ZNF263: variants seen among roughly 807,000 people sequenced by gnomAD.
ZNF263 encodes zinc finger protein FPM315.
A neutral mutation model predicts 63.1 loss-of-function variants in ZNF263; 49 were observed. The ratio of observed to expected loss-of-function variants is 0.78; its 90% confidence interval spans 0.62 to 0.99. ZNF263 has a LOEUF of 0.99. ZNF263 is among the 50% of genes least tolerant of loss of function. The probability of loss-of-function intolerance (pLI) is 0.00; values close to 1 mark genes in which losing one functional copy is unlikely to be tolerated. For missense variants in ZNF263, 872 were observed against 854.8 expected (o/e 1.02, Z -0.25); for synonymous variants, 352 against 324.2 (o/e 1.09, Z -0.92).
In ZNF263 at chr16:3,285,861, C is replaced by T; in HGVS notation, c.642+107C>T. 3 of 1,514,132 alleles carry T rather than the reference C, an allele frequency of 2.0e-6. No individual in the cohort carries two copies. The African/African-American group carries it at 4.1e-5, about 21-fold the overall frequency. The allele number at this position is 1,514,132 out of a possible 1,614,324, so 93.8% of individuals were successfully genotyped here. On this transcript the variant is annotated intron_variant, in intron 3 of 5. Coordinates refer to ENST00000219069, the MANE Select transcript of ZNF263 (RefSeq NM_005741.5). The stretch of plus-strand genomic sequence containing the variant: ...TCCTTTGTCCCTTACCACAGCGTCT[C>T]CCCCACTGCTTTGTCTATTTCACAC...
At chr16:3,286,664 G>C (rs982327169) in intron 4 of ZNF263, 1 of 152,756 alleles carries the variant, frequency 6.5e-6, no homozygotes, top group African/African-American at 2.4e-5. Context: ...TGGAAATTTG[G>C]AAACAATGTA....
Position 3,285,760 on chromosome 16 carries a change from G to T in ZNF263, c.642+6G>T, listed in dbSNP as rs746604551. 2 of 1,614,108 alleles carry T rather than the reference G, an allele frequency of 1.2e-6. No homozygotes were observed. The highest frequency in any genetic ancestry group is 1.7e-6 in the Non-Finnish European group (2 of 1,179,980). Reference sequence around the variant, plus strand: ...AGGAGATGACTGGGCCCCAGGTGATGTGGAAGTTTCCATTGTCTCCCCCCA... The same window carrying T: ...AGGAGATGACTGGGCCCCAGGTGATTTGGAAGTTTCCATTGTCTCCCCCCA... On this transcript the variant is annotated splice_donor_region_variant and intron_variant, in intron 3 of 5. Coordinates refer to ENST00000219069, the MANE Select transcript of ZNF263 (RefSeq NM_005741.5).
Position 3,283,727 on chromosome 16 carries a change from C to T in ZNF263, c.-92C>T. The T allele has an allele frequency of 4.3e-6, 6 of 1,408,258 alleles. No individual in the cohort carries two copies. The highest frequency in any genetic ancestry group is 4.6e-6 in the Non-Finnish European group (5 of 1,084,820). The allele number at this position is 1,408,258 out of a possible 1,614,324, so 87.2% of individuals were successfully genotyped here. On this transcript the variant is annotated 5_prime_UTR_variant, in exon 1 of 6. Coordinates refer to ENST00000219069, the MANE Select transcript of ZNF263 (RefSeq NM_005741.5). ...GACTGGGAGCCCCCGGCCCCGGGCTCCTGCTGGCGCCGTCCAACCTTACAT... is the reference window on the plus strand; with the variant it reads ...GACTGGGAGCCCCCGGCCCCGGGCTTCTGCTGGCGCCGTCCAACCTTACAT...
At chr16:3,299,729 CCAGA>C (rs774502030) in intron 2 of ZNF263, 62 of 1,540,212 alleles carry the variant, frequency 4.0e-5, no homozygotes, top group Middle Eastern at 1.8e-4. Context: ...GGGCAACTGT[CCAGA>C]AGTAACAATG....
At chr16:3,285,263 G>T (rs1163460123) in intron 2 of ZNF263, 24 bp downstream of exon 2, 1 of 1,596,324 alleles carries the variant, frequency 6.3e-7, no homozygotes. Flanking sequence ...ATCTGGGCAG[G>T]TGGGAGGGAG....
At chr16:3,291,638 G>A (rs1267758438), downstream of ZNF263, among the ~76,000 whole-genome samples, 1 of 152,214 alleles carries the variant, frequency 6.6e-6, no homozygotes, top group African/African-American at 2.4e-5. Flanking sequence ...CTCCAGGCTG[G>A]GACTGCCATG....
chr16:3,288,267 GTC>G (rs1249395476), intron 4 of ZNF263, among the ~76,000 whole-genome samples, 185 bp from the exon 5 acceptor site: 1 of 150,132 alleles, frequency 6.7e-6, no homozygotes, highest in Non-Finnish European at 1.5e-5. Flanking sequence ...AAAAAAAAAA[GTC>G]TCCCTCCCCT....
At chr16:3,285,587 G>T in intron 2 of ZNF263, 94 bp from the exon 3 acceptor site, 1 of 1,281,884 alleles carries the variant, frequency 7.8e-7, no homozygotes, top group Non-Finnish European at 1.1e-6. Context: ...AAAAGCAGAG[G>T]CTGGGTGTTG....
downstream of ZNF263, among the ~76,000 whole-genome samples, chr16:3,294,727 C>G (rs1224385673): frequency 6.6e-6 from 1 of 152,130 alleles, no homozygotes; most frequent in African/African-American, 2.4e-5. Context: ...AAATTCTGAT[C>G]TCCCAGTTAA....
At chr16:3,297,387 T>C (rs1268104173) in intron 1 of ZNF263, among the ~76,000 whole-genome samples, 1 of 151,022 alleles carries the variant, frequency 6.6e-6, no homozygotes, top group African/African-American at 2.4e-5. Flanking sequence ...CTGTATTTAG[T>C]CACTAATTTT....
chr16:3,294,510 C>A (rs936509122), downstream of ZNF263, among the ~76,000 whole-genome samples: 1 of 152,030 alleles, frequency 6.6e-6, no homozygotes, highest in Admixed American at 6.6e-5. Flanking sequence ...GAAATATTTT[C>A]TTTTACTCTT....
chr16:3,290,116 A>G lies in ZNF263; in HGVS notation c.1610A>G (p.Glu537Gly), dbSNP rs1043065693. The G allele has an allele frequency of 5.1e-5, 82 of 1,614,004 alleles. No homozygotes were observed. The highest frequency in any genetic ancestry group is 1.5e-4 in the Admixed American group (9 of 60,002). ...CGGAGTTCACACCTCGTCATTCACGAAAGAACTCATGAGAGAGAGAGACTT... is the reference window on the plus strand; with the variant it reads ...CGGAGTTCACACCTCGTCATTCACGGAAGAACTCATGAGAGAGAGAGACTT... ...FSRSSHLVIH[E>G]RTHERERLYP... is the part of the protein sequence containing the mutation. Residue 537 changes from glutamate to glycine, a missense_variant, in exon 6 of 6, where the codon GAA becomes GGA. Physicochemically the swap from Glu to Gly is moderately conservative, Grantham distance 98. Transcript: ENST00000219069.
rs763436625 is a variant in ZNF263 at position 3,289,594 on chromosome 16, G to T, written c.1088G>T (p.Gly363Val). The T allele has an allele frequency of 2.5e-6, 4 of 1,614,110 alleles. No individual in the cohort carries two copies. Among genetic ancestry groups the T allele is most frequent in the Non-Finnish European group, 8.5e-7 (1 of 1,180,030 alleles). The change falls in exon 6 of 6, where the codon GGC becomes GTC. Residue 363 changes from glycine to valine, a missense_variant. By Grantham distance (109) the Gly-to-Val change is moderately radical. Transcript: ENST00000219069. ...MEQALAGASS[G>V]RELGRPKELQ... ...CAGGCCTTGGCAGGAGCCTCAAGTG[G>T]CAGAGAACTGGGGCGACCGAAGGAA...
intron 2 of ZNF263, among the ~76,000 whole-genome samples, 169 bp from the exon 3 acceptor site, chr16:3,285,512 T>G (rs1428162083): frequency 1.3e-5 from 2 of 152,194 alleles, no homozygotes; most frequent in Non-Finnish European, 2.9e-5. Context: ...TGGTACTCCT[T>G]CCCTCTCACC....
In ZNF263 at chr16:3,289,889, C is replaced by G. The variant is rs959430246; in HGVS notation, c.1383C>G (p.Pro461=). 2 of 1,614,220 alleles carry G rather than the reference C, an allele frequency of 1.2e-6. No homozygotes were observed. Among genetic ancestry groups the G allele is most frequent in the Non-Finnish European group, 1.7e-6 (2 of 1,180,048 alleles). The change falls in exon 6 of 6, where the codon CCC becomes CCG. Residue 461 remains proline, a synonymous_variant. Coordinates refer to ENST00000219069, the MANE Select transcript of ZNF263 (RefSeq NM_005741.5). ...AACGCACCCACACGGGTGAGAAGCCCTATCAGTGCAACATTTGCGGAAAAT... is the reference window on the plus strand; with the variant it reads ...AACGCACCCACACGGGTGAGAAGCCGTATCAGTGCAACATTTGCGGAAAAT... ...RHQRTHTGEK[P]YQCNICGKCF... is the part of the protein sequence containing the mutation.
intron 1 of ZNF263, among the ~76,000 whole-genome samples, chr16:3,297,379 GTATT>G (rs1214574246): frequency 6.7e-6 from 1 of 148,822 alleles, no homozygotes; most frequent in Non-Finnish European, 1.5e-5. Context: ...CAGTAGTTCT[GTATT>G]TAGTCACTAA....
chr16:3,285,673 A>G lies in ZNF263; in HGVS notation c.569-8A>G, dbSNP rs769961901. 3 of 1,613,728 alleles carry G rather than the reference A, an allele frequency of 1.9e-6. No individual in the cohort carries two copies. The highest frequency in any genetic ancestry group is 2.5e-6 in the Non-Finnish European group (3 of 1,179,766). On this transcript the variant is annotated splice_region_variant and splice_polypyrimidine_tract_variant and intron_variant, in intron 2 of 5. Coordinates refer to ENST00000219069, the MANE Select transcript of ZNF263 (RefSeq NM_005741.5). ...TGCCATTCTCATTATAATTTCTGTC[A>G]CCTTCAGCATTATCTGCTCCCTGGC...
Position 3,284,091 on chromosome 16 carries a change from C to A in ZNF263, c.273C>A (p.Thr91=). 1 of 1,613,312 alleles carries A rather than the reference C, an allele frequency of 6.2e-7. No homozygotes were observed. Among genetic ancestry groups the A allele is most frequent in the Non-Finnish European group, 8.5e-7 (1 of 1,179,516 alleles). The change falls in exon 1 of 6, where the codon ACC becomes ACA. Residue 91 remains threonine (T), a synonymous_variant. Coordinates refer to ENST00000219069, the MANE Select transcript of ZNF263 (RefSeq NM_005741.5). ...LELLVLEQFL[T]ILPQEIQSRV... ...TGCTGGTGTTAGAGCAGTTCCTGAC[C>A]ATCCTGCCCCAGGAGATCCAGAGCA...
chr16:3,299,987 A>G (rs1391177887), intron 2 of ZNF263: 2 of 1,614,108 alleles, frequency 1.2e-6, no homozygotes, highest in South Asian at 1.1e-5. Context: ...AAGGCAGACA[A>G]CCTTTCTTTG....
Sources: allele counts gnomAD v4.1 joint callset (sites outside exome capture counted in the v4.1 genomes callset), GRCh38; gene constraint gnomAD v4.1.1; transcripts MANE v1.5; gene names NCBI Gene and HGNC (gene_info 2026-07-23, HGNC 2026-07-21).